Variants in LRP12 observed in about 807,000 individuals in gnomAD.
LRP12 encodes the protein low-density lipoprotein receptor-related protein 12.
Under a neutral mutation model 66.0 loss-of-function variants are expected in LRP12, and 14 were observed. The observed-to-expected ratio is 0.21, with a 90% CI of 0.14 to 0.33. LRP12 has a LOEUF of 0.33. LRP12 is among the 10% of genes least tolerant of loss of function. The pLI, the probability that LRP12 is intolerant of heterozygous loss-of-function variation, is 1.00. For synonymous variants in LRP12, 357 were observed against 359.1 expected (o/e 0.99, Z 0.07); for missense variants, 889 against 1,053.4 (o/e 0.84, Z 2.16).
At chr8:104,513,376 C>T (rs1189298065) in intron 2 of LRP12, among the ~76,000 whole-genome samples, 4 of 152,110 alleles carry the variant, frequency 2.6e-5, no homozygotes, top group Non-Finnish European at 5.9e-5. Flanking sequence ...TATTTGATTA[C>T]CTCTAAGGTC....
intron 1 of LRP12, among the ~76,000 whole-genome samples, chr8:104,547,444 T>C (rs967792126): frequency 1.5e-5 from 2 of 135,376 alleles, no homozygotes; most frequent in Non-Finnish European, 3.1e-5. Flanking sequence ...TGTTATATTT[T>C]GTATATAATA....
At chr8:104,510,016 G>A (rs950593501) in intron 2 of LRP12, among the ~76,000 whole-genome samples, 4 of 152,188 alleles carry the variant, frequency 2.6e-5, no homozygotes, top group Non-Finnish European at 5.9e-5. Context: ...CTGAATAAGA[G>A]TTCAAGATTA....
chr8:104,566,345 T>C, intron 1 of LRP12: 1 of 246,604 alleles, frequency 4.1e-6, no homozygotes, highest in Admixed American at 4.9e-5. Context: ...GAAGATTAAC[T>C]AAGTCTGGTG....
At chr8:104,519,740 G>T (rs1195604519) in intron 2 of LRP12, among the ~76,000 whole-genome samples, 1 of 151,952 alleles carries the variant, frequency 6.6e-6, no homozygotes, top group Admixed American at 6.6e-5. Flanking sequence ...ATTACTCTGA[G>T]ACTTATTATT....
chr8:104,562,560 CA>C (rs1811929415), intron 1 of LRP12, among the ~76,000 whole-genome samples: 1 of 152,072 alleles, frequency 6.6e-6, no homozygotes, highest in Non-Finnish European at 1.5e-5. Context: ...ACACTAATCA[CA>C]TTTTATTTTT....
intron 2 of LRP12, among the ~76,000 whole-genome samples, chr8:104,511,074 T>C (rs1190711989): frequency 7.7e-6 from 1 of 130,708 alleles, no homozygotes; most frequent in Non-Finnish European, 1.6e-5. Flanking sequence ...AGAGTCTCAC[T>C]CTGTCTCCAG....
intron 1 of LRP12, among the ~76,000 whole-genome samples, chr8:104,580,875 G>A (rs184543487): frequency 5.0e-4 from 76 of 152,284 alleles, no homozygotes; most frequent in African/African-American, 1.6e-3. Flanking sequence ...ACAACGTGGC[G>A]ACTCCTCAAA....
chr8:104,546,020 C>T (rs950429632), intron 1 of LRP12, among the ~76,000 whole-genome samples: 2 of 152,098 alleles, frequency 1.3e-5, no homozygotes, highest in African/African-American at 4.8e-5. Context: ...ATGGTTTGCA[C>T]AGTATAGGAG....
chr8:104,561,225 A>G (rs2140887377), intron 1 of LRP12, among the ~76,000 whole-genome samples: 1 of 152,342 alleles, frequency 6.6e-6, no homozygotes, highest in South Asian at 2.1e-4. Context: ...CTGCTACAGA[A>G]GCTTGATCTT....
intron 2 of LRP12, among the ~76,000 whole-genome samples, chr8:104,517,077 T>C (rs1284448076): frequency 6.6e-6 from 1 of 151,562 alleles, no homozygotes; most frequent in Non-Finnish European, 1.5e-5. Context: ...AAGACACATA[T>C]GAAGGGCACA....
rs116772693 is a variant in LRP12 at position 104,546,738 on chromosome 8, A to G, written c.80-14775T>C. On this transcript the variant is annotated intron_variant, in intron 1 of 6. Coordinates refer to ENST00000276654, the MANE Select transcript of LRP12 (RefSeq NM_013437.5). Reference sequence around the variant, plus strand: ...TCTGTGTACATCTATTTCTGCATACATACTTACTGAGCTGGATCTGTGGCT... The same window carrying G: ...TCTGTGTACATCTATTTCTGCATACGTACTTACTGAGCTGGATCTGTGGCT... 5.9e-3 allele frequency among the ~76,000 whole-genome samples: 895 copies of G among 151,732 alleles called. 12 individuals are homozygous for G. Among genetic ancestry groups the G allele is most frequent in the African/African-American group, 0.02 (843 of 41,424 alleles).
At chr8:104,511,683 C>G (rs1443185484) in intron 2 of LRP12, among the ~76,000 whole-genome samples, 1 of 152,052 alleles carries the variant, frequency 6.6e-6, no homozygotes, top group African/African-American at 2.4e-5. Flanking sequence ...TATAGAATAA[C>G]CTACTCCCTG....
At position 104,495,111 on chromosome 8, in the gene LRP12, G is replaced by A. The variant is rs149216447; in HGVS notation, c.1679C>T (p.Pro560Leu). The change falls in exon 6 of 7, where the codon CCA (proline) becomes CTA (leucine). Residue 560 changes from proline (P) to leucine (L), a missense_variant. Coordinates refer to ENST00000276654, the MANE Select transcript of LRP12 (RefSeq NM_013437.5). ...GQLIAQGLIP[P>L]VEDFPVCSPN... The stretch of plus-strand genomic sequence containing the variant: ...TGAACAAACAGGAAAATCTTCAACT[G>A]GTGGAATTAAACCCTGAGCAATCAA... 98 of 1,613,486 alleles carry A rather than the reference G, an allele frequency of 6.1e-5. No homozygotes were observed. Among genetic ancestry groups the A allele is most frequent in the Non-Finnish European group, 8.1e-5 (95 of 1,179,764 alleles).
At chr8:104,542,757 T>A (rs1181106669) in intron 1 of LRP12, among the ~76,000 whole-genome samples, 1 of 152,134 alleles carries the variant, frequency 6.6e-6, no homozygotes, top group Admixed American at 6.5e-5. Context: ...ACTGTATTCT[T>A]ACAATAAAGT....
intron 1 of LRP12, among the ~76,000 whole-genome samples, chr8:104,579,835 T>C (rs1423078387): frequency 1.3e-5 from 2 of 152,102 alleles, no homozygotes; most frequent in Non-Finnish European, 2.9e-5. Context: ...AGGAAAAGGA[T>C]TCCTTATTCA....
chr8:104,545,926 A>G (rs998305569), intron 1 of LRP12, among the ~76,000 whole-genome samples: 9 of 152,204 alleles, frequency 5.9e-5, no homozygotes, highest in African/African-American at 1.9e-4. Flanking sequence ...AGATTATATT[A>G]TAACACTTCT....
Position 104,497,821 on chromosome 8 carries a change from T to G in LRP12, c.731A>C (p.Asp244Ala). The G allele has an allele frequency of 6.2e-7, 1 of 1,614,208 alleles. No homozygotes were observed. Residue 244 changes from aspartate to alanine, a missense_variant, in exon 5 of 7, where the codon GAC becomes GCC. Asp to Ala is a moderately radical substitution (Grantham distance 126). This residue lies in a region of LRP12 where 800 missense variants were observed against 964.5 expected (regional missense o/e 0.83). Transcript: ENST00000276654. The surrounding 1 kb of genome is among the most constrained non-coding windows in gnomAD (Gnocchi z 4.3). ...TATCTCATCTCCTAGGTCAAGGCAG[T>G]CAATGTTCCCATCACATTTTAAAGA... is the stretch of plus-strand genomic sequence containing the variant. ...PESLKCDGNI[D>A]CLDLGDEIDC...
chr8:104,575,037 C>G (rs77575435), intron 1 of LRP12, among the ~76,000 whole-genome samples: 1,863 of 151,958 alleles, frequency 0.012, 15 homozygotes, highest in Middle Eastern at 0.034. Flanking sequence ...GCAGAGGGAA[C>G]AGCGTGTATA....
intron 1 of LRP12, among the ~76,000 whole-genome samples, chr8:104,559,126 G>T (rs532360047): frequency 6.6e-6 from 1 of 152,208 alleles, no homozygotes; most frequent in East Asian, 1.9e-4. Flanking sequence ...CAGAGGAAAA[G>T]AAGTCATATG....
Sources: gnomAD v4.1 joint callset for allele counts (sites outside exome capture counted in the v4.1 genomes callset) on GRCh38, gnomAD v4.1.1 for gene constraint, gnomAD v4.1.1 regional missense constraint, Gnocchi (gnomAD v3.1) non-coding constraint, MANE v1.5 for transcripts, NCBI Gene and HGNC (gene_info 2026-07-23, HGNC 2026-07-21) for gene names.